The following MED12L variants were observed in gnomAD, a reference collection of about 807,000 sequenced individuals.
The protein encoded by MED12L is mediator complex subunit 12L.
MED12L carries 60 observed loss-of-function variants against 281.3 expected under a neutral mutation model. The ratio of observed to expected loss-of-function variants is 0.21; its 90% CI spans 0.17 to 0.26. MED12L has a LOEUF of 0.26. MED12L is among the 10% of genes least tolerant of loss of function. The pLI is 1.00. For synonymous variants in MED12L, 974 were observed against 987.2 expected (o/e 0.99, Z 0.25); for missense variants, 2,146 against 2,680.9 (o/e 0.80, Z 4.41).
At position 151,218,899 on chromosome 3, in the gene MED12L, AG is replaced by A. The variant is rs997528177; in HGVS notation, c.2250+25240del. On this transcript the variant is annotated intron_variant, in intron 16 of 44. Transcript: ENST00000687756. ...AAAAAAAAAAAAAAAAAAAAAAAAG[AG>A]GGGGGGTATACTGTAATAGTGTAAG... 9.4e-5 allele frequency among the ~76,000 whole-genome samples: 11 copies of A among 117,548 alleles called. No individual in the cohort carries two copies. The East Asian group carries it at 1.0e-3, about 11-fold the overall frequency. The allele number at this position is 117,548 out of a possible 152,430, so 77.1% of individuals were successfully genotyped here.
chr3:151,285,224 C>T (rs1260640192), intron 16 of MED12L, among the ~76,000 whole-genome samples: 2 of 152,098 alleles, frequency 1.3e-5, no homozygotes, highest in Non-Finnish European at 2.9e-5. Context: ...GTGGCTCACG[C>T]CTGTAATCCC....
At chr3:151,326,469 G>C (rs934113111) in intron 16 of MED12L, 14 of 152,582 alleles carry the variant, frequency 9.2e-5, no homozygotes, top group African/African-American at 3.1e-4. Context: ...CAGAGGAGGG[G>C]GTGATTGGGT....
chr3:151,159,964 C>T lies in MED12L; in HGVS notation c.970C>T (p.Pro324Ser). The change falls in exon 8 of 45, where the codon CCA becomes TCA. Residue 324 changes from proline (P) to serine (S), a missense_variant. Physicochemically the swap from Pro to Ser is moderately conservative, Grantham distance 74 (BLOSUM62 -1). Around this residue, in one of 9 missense-constraint regions of MED12L, gnomAD observed 722 missense variants for 861.2 expected, o/e 0.84. Coordinates refer to ENST00000687756, the MANE Select transcript of MED12L (RefSeq NM_001393769.1). ...CCACTCACCCCACATGATGATAGGA[C>T]CAAACAACTCGAGTATCGGGGCCCC... ...AAHSPHMMIGPNNSSIGAPSP... is the reference protein window; with the variant it reads ...AAHSPHMMIGSNNSSIGAPSP... 6.2e-7 allele frequency: 1 copy of T among 1,614,208 alleles called. No homozygotes were observed. Among genetic ancestry groups the T allele is most frequent in the Non-Finnish European group, 8.5e-7 (1 of 1,180,040 alleles).
intron 2 of MED12L, among the ~76,000 whole-genome samples, chr3:151,105,310 TA>T (rs1326853294): frequency 6.6e-6 from 1 of 152,198 alleles, no homozygotes; most frequent in Non-Finnish European, 1.5e-5. Context: ...TCTCCTACCT[TA>T]GACCCCATGT....
intron 16 of MED12L, among the ~76,000 whole-genome samples, chr3:151,281,899 T>C (rs1046254883): frequency 2.6e-5 from 4 of 152,216 alleles, no homozygotes; most frequent in Non-Finnish European, 2.9e-5. Flanking sequence ...CCCAAATATG[T>C]CTGTAACTGT....
intron 16 of MED12L, among the ~76,000 whole-genome samples, chr3:151,216,147 T>A (rs1728173363): frequency 6.6e-6 from 1 of 152,204 alleles, no homozygotes; most frequent in Non-Finnish European, 1.5e-5. Context: ...GTCATTTTTT[T>A]ACTCTTGAAT....
Position 151,086,863 on chromosome 3 carries a change from G to A in MED12L, c.-64G>A. 1 of 1,335,486 alleles carries A rather than the reference G, an allele frequency of 7.5e-7. No homozygotes were observed. Among genetic ancestry groups the A allele is most frequent in the Non-Finnish European group, 1.0e-6 (1 of 966,892 alleles). The allele number at this position is 1,335,486 out of a possible 1,614,324, so 82.7% of individuals were successfully genotyped here. ...GTCTGTCTGCAAAGTGCTGCTCCCT[G>A]GTGCTCAGAGGCGGCTGCTCCAGCT... On this transcript the variant is annotated 5_prime_UTR_variant, in exon 2 of 45. Coordinates refer to ENST00000687756, the MANE Select transcript of MED12L (RefSeq NM_001393769.1).
chr3:151,367,895 A>G, intron 24 of MED12L, 129 bp downstream of exon 24: 2 of 1,081,332 alleles, frequency 1.8e-6, no homozygotes, highest in South Asian at 1.6e-5. Flanking sequence ...GTATCAAGGT[A>G]GATATGGTAG....
intron 4 of MED12L, among the ~76,000 whole-genome samples, chr3:151,126,943 G>A (rs1714624418): frequency 6.6e-6 from 1 of 152,144 alleles, no homozygotes; most frequent in South Asian, 2.1e-4. Flanking sequence ...TACAGAGGGG[G>A]TCATGGCTGG....
chr3:151,433,383 C>A lies in MED12L; in HGVS notation c.*579C>A, dbSNP rs1719747149. The A allele has an allele frequency of 6.6e-6, 1 of 152,568 alleles. No individual in the cohort carries two copies. Among genetic ancestry groups the A allele is most frequent in the African/African-American group, 2.4e-5 (1 of 41,418 alleles). 9.5% of individuals were successfully genotyped at this position (152,568 alleles called of 1,614,324 possible). A position where few individuals can be genotyped will look rare whatever the true frequency, so the allele number is the denominator to read the frequency against. ...ACTTTGTTCTTATTTATGTAGGACT[C>A]TTCTTTGCTTTTGTTGTGGTCAAAA... On this transcript the variant is annotated 3_prime_UTR_variant, in exon 45 of 45. Coordinates refer to ENST00000687756, the MANE Select transcript of MED12L (RefSeq NM_001393769.1).
intron 16 of MED12L, among the ~76,000 whole-genome samples, chr3:151,262,562 A>G (rs1034473108): frequency 1.3e-5 from 2 of 152,244 alleles, no homozygotes; most frequent in East Asian, 1.9e-4. Flanking sequence ...GGTGAGGCCT[A>G]TGTTAAAAGC....
chr3:151,430,364 C>T lies in MED12L; in HGVS notation c.6474C>T (p.Leu2158=), dbSNP rs202137538. The change falls in exon 44 of 45, where the codon CTC becomes CTT. Residue 2158 remains leucine, a synonymous_variant. Transcript: ENST00000687756. ...QQQTAALVRQ[L]QKQLSSNQPQ... is the part of the protein sequence containing the mutation. The stretch of plus-strand genomic sequence containing the variant: ...AGACGGCCGCCTTGGTGCGGCAGCT[C>T]CAGAAGCAGCTTTCCAGTAAGTACC... 3.2e-5 allele frequency: 51 copies of T among 1,613,904 alleles called. No individual in the cohort carries two copies. In the South Asian group the frequency reaches 5.3e-4, roughly 17 times the overall value.
intron 9 of MED12L, among the ~76,000 whole-genome samples, chr3:151,164,841 G>A (rs551974620): frequency 3.3e-5 from 5 of 151,922 alleles, no homozygotes; most frequent in African/African-American, 1.2e-4. Context: ...ATCACACACC[G>A]GGGCCTGTTG....
intron 30 of MED12L, among the ~76,000 whole-genome samples, chr3:151,377,532 C>T (rs903739653): frequency 3.3e-5 from 5 of 151,986 alleles, no homozygotes; most frequent in African/African-American, 1.2e-4. Context: ...AATTTTTGTG[C>T]AGAATTAGAA....
At chr3:151,423,604 G>A (rs1718528968) in intron 43 of MED12L, among the ~76,000 whole-genome samples, 1 of 152,112 alleles carries the variant, frequency 6.6e-6, no homozygotes. Flanking sequence ...AATATATTTG[G>A]CATGTCTGAT....
At chr3:151,165,352 C>T in intron 9 of MED12L, 68 bp from the exon 10 acceptor site, 1 of 1,294,972 alleles carries the variant, frequency 7.7e-7, no homozygotes, top group South Asian at 1.2e-5. Flanking sequence ...CGTGGAAAAA[C>T]CTGACATGAT....
intron 16 of MED12L, among the ~76,000 whole-genome samples, chr3:151,251,219 A>G (rs1736787721): frequency 6.6e-6 from 1 of 151,914 alleles, no homozygotes; most frequent in Non-Finnish European, 1.5e-5. Context: ...ACCTCTGTAC[A>G]CTGTTGTTCC....
chr3:151,233,625 C>G (rs572830995), intron 16 of MED12L, among the ~76,000 whole-genome samples: 3 of 152,200 alleles, frequency 2.0e-5, no homozygotes, highest in African/African-American at 4.8e-5. Context: ...CCCAGCTACT[C>G]GGGAGGCTGA....
chr3:151,252,602 G>A (rs139168854), intron 16 of MED12L, among the ~76,000 whole-genome samples: 84 of 152,136 alleles, frequency 5.5e-4, no homozygotes, highest in African/African-American at 1.8e-3. Flanking sequence ...CTTGTGTTTC[G>A]TAAATGATAC....
Sources: gnomAD v4.1 joint callset for allele counts (sites outside exome capture counted in the v4.1 genomes callset) on GRCh38, gnomAD v4.1.1 for gene constraint, gnomAD v4.1.1 regional missense constraint, MANE v1.5 for transcripts, NCBI Gene and HGNC (gene_info 2026-07-23, HGNC 2026-07-21) for gene names.